PBRM1: variants seen among roughly 807,000 people sequenced by gnomAD.
PBRM1 encodes polybromo 1.
A neutral mutation model predicts 194.5 loss-of-function variants in PBRM1; 27 were observed. The ratio of observed to expected loss-of-function variants is 0.14; its 90% CI spans 0.10 to 0.19. The LOEUF (loss-of-function observed/expected upper bound fraction) is 0.19. PBRM1 is among the 10% of genes least tolerant of loss of function. The pLI is 1.00. For missense variants in PBRM1, 1,466 were observed against 2,077.2 expected (o/e 0.71, Z 5.72); for synonymous variants, 655 against 693.2 (o/e 0.94, Z 0.87).
intron 18 of PBRM1, 49 bp downstream of exon 20, chr3:52,589,021 C>A: frequency 7.2e-7 from 1 of 1,386,588 alleles, no homozygotes; most frequent in South Asian, 1.2e-5. Context: ...AAGGAGAAGT[C>A]AAACAGTCAT....
chr3:52,641,121 T>G (rs1427737163), intron 10 of PBRM1, among the ~76,000 whole-genome samples: 1 of 151,962 alleles, frequency 6.6e-6, no homozygotes, highest in Non-Finnish European at 1.5e-5. Flanking sequence ...GGAGATTTAG[T>G]TAAAAACAAG....
At chr3:52,564,458 T>C (rs546548781) in intron 22 of PBRM1, among the ~76,000 whole-genome samples, 185 of 152,002 alleles carry the variant, frequency 1.2e-3, no homozygotes, top group African/African-American at 3.9e-3. Flanking sequence ...CTGGGCAACA[T>C]AGTGAGACCC....
At chr3:52,626,883 G>A (rs542938298) in intron 13 of PBRM1, among the ~76,000 whole-genome samples, 12 of 152,226 alleles carry the variant, frequency 7.9e-5, no homozygotes, top group Non-Finnish European at 1.6e-4. Context: ...ATACCTCACT[G>A]CAGTGGTAGT....
chr3:52,586,678 T>A (rs2153777384), exon 20 of PBRM1: 1 of 1,600,614 alleles, frequency 6.2e-7, no homozygotes, highest in East Asian at 2.2e-5. Context: ...TGGGCATAAC[T>A]TAAAGTATTC....
At chr3:52,637,949 G>GAGA (rs2095890541) in intron 10 of PBRM1, among the ~76,000 whole-genome samples, 1 of 151,422 alleles carries the variant, frequency 6.6e-6, no homozygotes, top group South Asian at 2.1e-4. Flanking sequence ...TCCGTCTCAA[G>GAGA]AGAAAAGAAA....
chr3:52,641,543 T>C (rs2096085654), intron 10 of PBRM1, among the ~76,000 whole-genome samples: 1 of 150,918 alleles, frequency 6.6e-6, no homozygotes, highest in African/African-American at 2.4e-5. Context: ...TAAAAAAATC[T>C]ATAGTAAAGG....
chr3:52,550,855 G>C (rs752255867), intron 27 of PBRM1, 38 bp from the exon 30 acceptor site: 1 of 1,359,266 alleles, frequency 7.4e-7, no homozygotes, highest in Non-Finnish European at 1.0e-6. Context: ...TAGAGGCTCT[G>C]GGTTGAAATG....
intron 11 of PBRM1, among the ~76,000 whole-genome samples, chr3:52,630,922 A>G (rs1331179608): frequency 6.6e-6 from 1 of 152,240 alleles, no homozygotes; most frequent in Non-Finnish European, 1.5e-5. Flanking sequence ...TAATTTAAAA[A>G]TAATAATGAA....
At chr3:52,685,120 T>C (rs1324934876) in intron 1 of PBRM1, among the ~76,000 whole-genome samples, 1 of 152,214 alleles carries the variant, frequency 6.6e-6, no homozygotes, top group Non-Finnish European at 1.5e-5. Context: ...CTATATCCAC[T>C]ATACCGTGTA....
At chr3:52,567,536 TG>T (rs1242826534) in intron 22 of PBRM1, among the ~76,000 whole-genome samples, 3 of 134,640 alleles carry the variant, frequency 2.2e-5, no homozygotes, top group Non-Finnish European at 4.6e-5. Context: ...AAATGTCTTC[TG>T]GATCTTTGAC....
chr3:52,567,809 T>G (rs1205053590), intron 22 of PBRM1, among the ~76,000 whole-genome samples: 6 of 146,180 alleles, frequency 4.1e-5, no homozygotes, highest in African/African-American at 1.0e-4. Context: ...TTTTTGTGTT[T>G]TTTTTTTTTT....
chr3:52,620,141 G>C (rs187137590), intron 13 of PBRM1, among the ~76,000 whole-genome samples: 1 of 152,142 alleles, frequency 6.6e-6, no homozygotes, highest in Non-Finnish European at 1.5e-5. Flanking sequence ...CTAAGTCTTC[G>C]GCAAGTGGAT....
chr3:52,611,300 A>G (rs1053487994), intron 15 of PBRM1, among the ~76,000 whole-genome samples: 77 of 152,290 alleles, frequency 5.1e-4, no homozygotes, highest in African/African-American at 1.8e-3. Flanking sequence ...CCCTTTCATG[A>G]ATTAATAATT....
chr3:52,685,883 C>T (rs909248815), upstream of PBRM1: 73 of 618,552 alleles, frequency 1.2e-4, no homozygotes, highest in Non-Finnish European at 3.8e-5. Context: ...GCCCTCACCT[C>T]CCTTACCCCT....
At chr3:52,662,764 T>C (rs1300756152) in intron 3 of PBRM1, among the ~76,000 whole-genome samples, 1 of 151,114 alleles carries the variant, frequency 6.6e-6, no homozygotes, top group Non-Finnish European at 1.5e-5. Context: ...AGGCAGAGGT[T>C]GCAGTGAGCC....
exon 20 of PBRM1, chr3:52,586,527 A>G: frequency 6.2e-7 from 1 of 1,614,120 alleles, no homozygotes; most frequent in Non-Finnish European, 8.5e-7. Context: ...AGGCCACGCG[A>G]ACCACAGGCA....
intron 12 of PBRM1, among the ~76,000 whole-genome samples, chr3:52,627,949 A>G (rs2095496757): frequency 6.6e-6 from 1 of 152,184 alleles, no homozygotes; most frequent in Non-Finnish European, 1.5e-5. Flanking sequence ...TGGGTGATCT[A>G]AAATTGCCTT....
At chr3:52,591,298 T>C (rs763284703) in intron 17 of PBRM1, among the ~76,000 whole-genome samples, 8 of 152,102 alleles carry the variant, frequency 5.3e-5, no homozygotes, top group Non-Finnish European at 1.2e-4. Context: ...CTATGTTGAA[T>C]AGGAGTGGTG....
intron 20 of PBRM1, among the ~76,000 whole-genome samples, chr3:52,583,464 A>C (rs2091794723): frequency 1.3e-5 from 2 of 152,064 alleles, no homozygotes; most frequent in South Asian, 4.1e-4. Flanking sequence ...GTCTCATCCT[A>C]TACCAGGCTA....
Sources: allele counts gnomAD v4.1 joint callset (sites outside exome capture counted in the v4.1 genomes callset), GRCh38; gene constraint gnomAD v4.1.1; transcripts MANE v1.5; gene names NCBI Gene and HGNC (gene_info 2026-07-23, HGNC 2026-07-21).